The following GRM1 variants were observed in gnomAD, a reference collection of about 807,000 sequenced individuals.
GRM1 encodes the protein metabotropic glutamate receptor 1.
In GRM1, 33 loss-of-function variants were observed where a neutral mutation model predicts 90.9. The ratio of observed to expected loss-of-function variants is 0.36; its 90% CI spans 0.28 to 0.49. The LOEUF is 0.49. GRM1 is among the 20% of genes least tolerant of loss of function. The pLI, the probability that GRM1 is intolerant of heterozygous loss-of-function variation, is 0.99. For synonymous variants in GRM1, 700 were observed against 613.2 expected, an observed-to-expected ratio of 1.14 and a Z score of -2.09; for missense variants, 1,190 against 1,534.3, an observed-to-expected ratio of 0.78 and a Z score of 3.75.
At chr6:146,085,001 T>G (rs1384268090) in intron 1 of GRM1, among the ~76,000 whole-genome samples, 1 of 152,178 alleles carries the variant, frequency 6.6e-6, no homozygotes, top group Non-Finnish European at 1.5e-5. Context: ...ACTTTTCTCT[T>G]ACAGAAGCAT....
chr6:146,152,360 T>A (rs1777371456), intron 1 of GRM1, among the ~76,000 whole-genome samples: 1 of 151,700 alleles, frequency 6.6e-6, no homozygotes, highest in Non-Finnish European at 1.5e-5. Flanking sequence ...TCTCTGATTA[T>A]CTCTGCTCTC....
At chr6:146,173,824 G>A (rs983023286) in intron 2 of GRM1, among the ~76,000 whole-genome samples, 9 of 151,964 alleles carry the variant, frequency 5.9e-5, no homozygotes, top group East Asian at 3.9e-4. Context: ...CCGCCACCAC[G>A]CCTGGCTAAT....
In GRM1 at chr6:146,159,480, G is replaced by A. The variant is rs756771755; in HGVS notation, c.833G>A (p.Arg278Gln). The change falls in exon 2 of 8, where the codon CGA becomes CAA. Residue 278 changes from arginine (R) to glutamine (Q), a missense_variant. Physicochemically the swap from Arg to Gln is conservative, Grantham distance 43. This residue lies in a region of GRM1 where 45 missense variants were observed against 45.5 expected (regional missense o/e 0.99). Coordinates refer to ENST00000282753, the MANE Select transcript of GRM1 (RefSeq NM_001278064.2). ...TTTGACCGACTCTTGCGCAAACTCC[G>A]AGAGAGGCTTCCCAAGGCTAGAGTG... is the stretch of plus-strand genomic sequence containing the variant. ...KSFDRLLRKL[R>Q]ERLPKARVVV... 3 of 1,614,078 alleles carry A rather than the reference G, an allele frequency of 1.9e-6. No individual in the cohort carries two copies. The highest frequency in any genetic ancestry group is 1.3e-5 in the African/African-American group (1 of 74,938).
chr6:146,177,727 T>A (rs956926396), intron 2 of GRM1, among the ~76,000 whole-genome samples: 1 of 152,168 alleles, frequency 6.6e-6, no homozygotes, highest in Non-Finnish European at 1.5e-5. Flanking sequence ...TGACCATTTC[T>A]TGTCTCTGCC....
chr6:146,069,805 G>C (rs1775967250), intron 1 of GRM1, among the ~76,000 whole-genome samples: 2 of 152,206 alleles, frequency 1.3e-5, no homozygotes, highest in South Asian at 4.1e-4. Flanking sequence ...CTATTTCTAT[G>C]ACCACTATTT....
chr6:146,416,610 A>G (rs1030738468), intron 7 of GRM1, among the ~76,000 whole-genome samples: 1 of 152,170 alleles, frequency 6.6e-6, no homozygotes, highest in Non-Finnish European at 1.5e-5. Flanking sequence ...TGCATAATCA[A>G]TATCTATGTA....
intron 1 of GRM1, among the ~76,000 whole-genome samples, chr6:146,070,737 A>C (rs1222088920): frequency 6.6e-6 from 1 of 152,150 alleles, no homozygotes; most frequent in East Asian, 1.9e-4. Context: ...GTGTTTCTTA[A>C]CCTATTTTGT....
chr6:146,290,492 C>A (rs1311532458), intron 2 of GRM1, among the ~76,000 whole-genome samples: 1 of 152,182 alleles, frequency 6.6e-6, no homozygotes, highest in Admixed American at 6.5e-5. Context: ...AAAAAGGAAG[C>A]ATGACTCAGA....
chr6:146,030,461 T>C lies in GRM1; in HGVS notation c.700+244T>C, dbSNP rs79804229. On this transcript the variant is annotated intron_variant, in intron 1 of 7. Transcript: ENST00000282753. ...AGCTGAAAGGGTATCAAACTTTCCA[T>C]GCAAAGTGTCCAGCAGTAGATTTGA... Among the ~76,000 whole-genome samples the C allele has an allele frequency of 1.2e-3, 187 of 152,342 alleles. 1 individual carries two copies. The highest frequency in any genetic ancestry group is 4.3e-3 in the African/African-American group (180 of 41,586).
Position 146,330,938 on chromosome 6 carries a change from C to CTAACAGGAACTAATCATATA in GRM1, c.1187-21305_1187-21286dup, listed in dbSNP as rs1428765936. Among the ~76,000 whole-genome samples the CTAACAGGAACTAATCATATA allele has an allele frequency of 9.8e-5, 15 of 152,302 alleles. No individual in the cohort carries two copies. The South Asian group carries it at 1.2e-3, about 13-fold the overall frequency. On this transcript the variant is annotated intron_variant, in intron 3 of 7. Coordinates refer to ENST00000282753, the MANE Select transcript of GRM1 (RefSeq NM_001278064.2). ...GGGGCATACTCACATGATTCTATAA[C>CTAACAGGAACTAATCATATA]TAACAGGAACTAATCATATATAACA... is the stretch of plus-strand genomic sequence containing the variant.
chr6:146,328,166 A>T (rs1784459446), intron 3 of GRM1, among the ~76,000 whole-genome samples: 1 of 152,228 alleles, frequency 6.6e-6, no homozygotes, highest in South Asian at 2.1e-4. Context: ...CAGAAACCAG[A>T]TGGGATTTTC....
At chr6:146,382,618 A>G (rs1282319136) in intron 5 of GRM1, among the ~76,000 whole-genome samples, 1 of 152,054 alleles carries the variant, frequency 6.6e-6, no homozygotes, top group African/African-American at 2.4e-5. Context: ...TCCTTTTTTC[A>G]CAGACATATG....
chr6:146,262,484 G>A (rs1191187574), intron 2 of GRM1, among the ~76,000 whole-genome samples: 1 of 151,844 alleles, frequency 6.6e-6, no homozygotes, highest in African/African-American at 2.4e-5. Context: ...TCAAGGTAAT[G>A]CATGAATCAA....
At chr6:146,266,682 G>A (rs1781898675) in intron 2 of GRM1, among the ~76,000 whole-genome samples, 1 of 152,122 alleles carries the variant, frequency 6.6e-6, no homozygotes, top group African/African-American at 2.4e-5. Flanking sequence ...GTTCAAACTT[G>A]GTAACTTTGT....
At chr6:146,300,763 C>T (rs866879837) in intron 2 of GRM1, among the ~76,000 whole-genome samples, 5 of 152,242 alleles carry the variant, frequency 3.3e-5, no homozygotes, top group African/African-American at 9.6e-5. Flanking sequence ...AGACACTTGG[C>T]GAGTGACCAG....
At chr6:146,129,912 T>G (rs1776331625) in intron 1 of GRM1, among the ~76,000 whole-genome samples, 1 of 152,052 alleles carries the variant, frequency 6.6e-6, no homozygotes, top group Non-Finnish European at 1.5e-5. Flanking sequence ...ATTTTTTATT[T>G]TGTTTTTCTA....
Position 146,058,244 on chromosome 6 carries a change from T to C in GRM1, c.700+28027T>C, listed in dbSNP as rs1029125743. Reference sequence around the variant, plus strand: ...CATGATTTAGAGTGGTGGCATGATATTCTATAACTGGCTATACAGGTGTAC... The same window carrying C: ...CATGATTTAGAGTGGTGGCATGATACTCTATAACTGGCTATACAGGTGTAC... On this transcript the variant is annotated intron_variant, in intron 1 of 7. Transcript: ENST00000282753. Among the ~76,000 whole-genome samples, 5 of 152,106 alleles carry C rather than the reference T, an allele frequency of 3.3e-5. No individual in the cohort carries two copies. In the East Asian group the frequency reaches 5.8e-4, roughly 18 times the overall value.
chr6:146,059,249 A>G (rs1342394081), intron 1 of GRM1, among the ~76,000 whole-genome samples: 1 of 152,182 alleles, frequency 6.6e-6, no homozygotes, highest in South Asian at 2.1e-4. Flanking sequence ...TGGGCTGCAG[A>G]ACAGATGTTG....
intron 2 of GRM1, among the ~76,000 whole-genome samples, chr6:146,296,083 C>T (rs974799069): frequency 3.3e-5 from 5 of 152,152 alleles, no homozygotes; most frequent in East Asian, 1.9e-4. Context: ...CATAGTATTC[C>T]GTGGTGTATA....
Sources: gnomAD v4.1 joint callset for allele counts (sites outside exome capture counted in the v4.1 genomes callset) on GRCh38, gnomAD v4.1.1 for gene constraint, gnomAD v4.1.1 regional missense constraint, MANE v1.5 for transcripts, NCBI Gene and HGNC (gene_info 2026-07-23, HGNC 2026-07-21) for gene names.